Variants in FER1L5 observed in about 807,000 individuals in gnomAD.
The protein encoded by FER1L5 is fer-1 like family member 5, also known as fer-1-like protein 5.
Under a neutral mutation model 279.9 loss-of-function variants are expected in FER1L5, and 187 were observed. That is an observed-to-expected ratio of 0.67 (90% CI 0.59 to 0.75). The LOEUF (loss-of-function observed/expected upper bound fraction) is 0.75, where lower values mean the gene tolerates loss of function less well. FER1L5 is among the 30% of genes least tolerant of loss of function. The pLI, the probability that FER1L5 is intolerant of heterozygous loss-of-function variation, is 0.00. For synonymous variants in FER1L5, 921 were observed against 989.7 expected, an observed-to-expected ratio of 0.93 and a Z score of 1.30; for missense variants, 2,091 against 2,594.4, an observed-to-expected ratio of 0.81 and a Z score of 4.21.
intron 13 of FER1L5, 40 bp from the exon 14 acceptor site, chr2:96,663,398 AG>A: frequency 6.5e-7 from 1 of 1,540,004 alleles, no homozygotes; most frequent in Non-Finnish European, 8.8e-7. Context: ...TGGAGGGAGG[AG>A]GGGGCAGGCT....
intron 14 of FER1L5, among the ~76,000 whole-genome samples, chr2:96,665,586 G>C (rs987222891): frequency 2.0e-5 from 3 of 151,114 alleles, no homozygotes; most frequent in Non-Finnish European, 2.9e-5. Context: ...TTCATCTTCT[G>C]TTCATCTTCT....
At chr2:96,650,779 G>T (rs939494937) in intron 6 of FER1L5, among the ~76,000 whole-genome samples, 3 of 152,170 alleles carry the variant, frequency 2.0e-5, no homozygotes, top group Non-Finnish European at 2.9e-5. Context: ...TTCCTGCCGT[G>T]GTTTTACCTG....
In FER1L5 at chr2:96,642,860, G is replaced by A. The variant is rs1394981800; in HGVS notation, c.24G>A (p.Ser8=). 6.4e-7 allele frequency: 1 copy of A among 1,550,892 alleles called. No individual in the cohort carries two copies. Among genetic ancestry groups the A allele is most frequent in the East Asian group, 2.4e-5 (1 of 40,818 alleles). MLRLVVQ[S]AKIDPPLAPL... ...AGATGCTGCGGCTTGTGGTGCAGTC[G>A]GCCAAGATTGACCCACCACTAGCCC... is the stretch of plus-strand genomic sequence containing the variant. The change falls in exon 1 of 53, where the codon TCG becomes TCA. Residue 8 remains serine (S), a synonymous_variant. Transcript: ENST00000624922.
intron 31 of FER1L5, among the ~76,000 whole-genome samples, chr2:96,692,577 G>A (rs1374418634): frequency 6.6e-6 from 1 of 152,220 alleles, no homozygotes; most frequent in African/African-American, 2.4e-5. Context: ...GAGCTTGTCT[G>A]GCAGTTACTA....
At chr2:96,657,809 A>ATAGTCCAGCATATGGATGTAC (rs2075659416) in intron 9 of FER1L5, among the ~76,000 whole-genome samples, 1 of 152,134 alleles carries the variant, frequency 6.6e-6, no homozygotes, top group Admixed American at 6.5e-5. Flanking sequence ...TTGCTGAGTA[A>ATAGTCCAGCATATGGATGTAC]TAGTCCAGCA....
At chr2:96,650,335 C>A in intron 6 of FER1L5, 46 bp downstream of exon 6, 1 of 1,484,262 alleles carries the variant, frequency 6.7e-7, no homozygotes, top group Non-Finnish European at 9.2e-7. Context: ...ACCTGACACT[C>A]TTGTTTGCTG....
chr2:96,662,754 T>C (rs2075998659), intron 13 of FER1L5, among the ~76,000 whole-genome samples: 1 of 152,228 alleles, frequency 6.6e-6, no homozygotes, highest in Admixed American at 6.5e-5. Context: ...TTCTATTTGT[T>C]GCAAGCAAGT....
intron 14 of FER1L5, 120 bp downstream of exon 14, chr2:96,663,627 T>C: frequency 9.2e-7 from 1 of 1,089,128 alleles, no homozygotes; most frequent in Non-Finnish European, 1.4e-6. Context: ...CAAGGGGGAC[T>C]CTGCCTGATA....
chr2:96,693,516 T>G lies in FER1L5; in HGVS notation c.3303T>G (p.Ile1101Met), dbSNP rs760978334. 39 of 1,550,312 alleles carry G rather than the reference T, an allele frequency of 2.5e-5. No individual in the cohort carries two copies. Among genetic ancestry groups the G allele is most frequent in the Middle Eastern group, 1.7e-4 (1 of 5,996 alleles). Reference protein sequence around the residue: ...NQILTFQGPFIRVVFLNHSQC... With the variant: ...NQILTFQGPFMRVVFLNHSQC... ...CCTCTACCCCTCCAGGGCCCTTCAT[T>G]CGGGTGGTCTTCCTGAACCACAGCC... Residue 1101 changes from isoleucine (I) to methionine (M), a missense_variant, in exon 32 of 53, where the codon ATT becomes ATG. Coordinates refer to ENST00000624922, the MANE Select transcript of FER1L5 (RefSeq NM_001293083.2).
chr2:96,668,240 CCAGCTGGG>C (rs2076198651), intron 14 of FER1L5, among the ~76,000 whole-genome samples: 1 of 152,122 alleles, frequency 6.6e-6, no homozygotes, highest in Non-Finnish European at 1.5e-5. Context: ...AATGGGAGGC[CCAGCTGGG>C]CGAGGTGGCT....
intron 21 of FER1L5, among the ~76,000 whole-genome samples, chr2:96,685,651 C>T (rs188338977): frequency 1.1e-4 from 16 of 152,312 alleles, no homozygotes; most frequent in Admixed American, 5.9e-4. Context: ...CACCCACACC[C>T]GAGGCTCCTC....
At chr2:96,688,390 C>T (rs1334134429) in intron 24 of FER1L5, among the ~76,000 whole-genome samples, 1 of 152,088 alleles carries the variant, frequency 6.6e-6, no homozygotes, top group African/African-American at 2.4e-5. Context: ...CAGTGGGGTC[C>T]CAGGAGGTGA....
At chr2:96,679,056 C>T (rs2076615931) in intron 19 of FER1L5, among the ~76,000 whole-genome samples, 2 of 151,932 alleles carry the variant, frequency 1.3e-5, no homozygotes, top group Admixed American at 6.6e-5. Context: ...ATTTTTTCTT[C>T]TAAGTTTTCT....
intron 4 of FER1L5, 53 bp from the exon 5 acceptor site, chr2:96,649,570 G>A: frequency 6.5e-7 from 1 of 1,534,390 alleles, no homozygotes; most frequent in Non-Finnish European, 8.8e-7. Context: ...CTTGGGTGCT[G>A]TGTCCAAGGA....
rs1331938267 is a variant in FER1L5, at chr2:96,673,253, T to C, written c.1668T>C (p.Asp556=). 4 of 1,548,054 alleles carry C rather than the reference T, an allele frequency of 2.6e-6. No individual in the cohort carries two copies. In the African/African-American group the frequency reaches 5.5e-5, roughly 21 times the overall value. The part of the protein sequence containing the change: ...SSTPYSPVIY[D]GNIYHYVPWY... ...CACCGTACAGCCCAGTGATATATGA[T>C]GGTAATTGTCAGATTCAGGCAATAA... Residue 556 remains aspartate (D), a splice_region_variant and synonymous_variant, in exon 19 of 53, where the codon GAT becomes GAC. Transcript: ENST00000624922.
chr2:96,699,843 C>A, intron 43 of FER1L5, 89 bp from the exon 44 acceptor site: 1 of 1,579,872 alleles, frequency 6.3e-7, no homozygotes, highest in Non-Finnish European at 8.6e-7. Context: ...AGTCTCCACC[C>A]AAGCTTCCAC....
At chr2:96,687,518 C>T (rs1017734645) in intron 23 of FER1L5, among the ~76,000 whole-genome samples, 2 of 152,230 alleles carry the variant, frequency 1.3e-5, no homozygotes, top group African/African-American at 4.8e-5. Context: ...TGGCACAGTG[C>T]CAGCCCATAA....
At chr2:96,688,352 C>G (rs1472128578) in intron 24 of FER1L5, among the ~76,000 whole-genome samples, 1 of 152,184 alleles carries the variant, frequency 6.6e-6, no homozygotes, top group African/African-American at 2.4e-5. Context: ...CCATCACCAA[C>G]AGGGCAGCCC....
intron 44 of FER1L5, 42 bp from the exon 45 acceptor site, chr2:96,700,290 A>G (rs373233873): frequency 1.7e-4 from 269 of 1,607,866 alleles, no homozygotes; most frequent in Middle Eastern, 9.9e-4. Flanking sequence ...TAGGAAGGCT[A>G]ATGACCTCGC....
Sources: allele counts gnomAD v4.1 joint callset (sites outside exome capture counted in the v4.1 genomes callset), GRCh38; gene constraint gnomAD v4.1.1; transcripts MANE v1.5; gene names NCBI Gene and HGNC (gene_info 2026-07-23, HGNC 2026-07-21).